The following GYS1 variants were observed in gnomAD, a reference collection of about 807,000 sequenced individuals.
GYS1 encodes the protein glycogen synthase 1, also known as glycogen [starch] synthase, muscle.
GYS1 carries 60 observed loss-of-function variants against 89.1 expected under a neutral mutation model. The observed-to-expected ratio is 0.67, with a 90% CI of 0.55 to 0.84. The LOEUF (loss-of-function observed/expected upper bound fraction) is 0.84. GYS1 is among the 40% of genes least tolerant of loss of function. The probability of loss-of-function intolerance (pLI) is 0.00; values close to 1 mark genes in which losing one functional copy is unlikely to be tolerated. For missense variants in GYS1, 888 were observed against 1,003.1 expected (o/e 0.89, Z 1.55); for synonymous variants, 366 against 401.7 (o/e 0.91, Z 1.06).
At chr19:48,987,620 G>A (rs1391341406) in intron 2 of GYS1, among the ~76,000 whole-genome samples, 2 of 151,522 alleles carry the variant, frequency 1.3e-5, no homozygotes, top group Non-Finnish European at 2.9e-5. Flanking sequence ...AATATTTTCC[G>A]TGCCCCCTGC....
rs936963279 is a variant in GYS1, at chr19:48,968,158, C to T, written c.*1130G>A. 8 of 448,578 alleles carry T rather than the reference C, an allele frequency of 1.8e-5. No individual in the cohort carries two copies. In the East Asian group the frequency reaches 4.2e-4, roughly 24 times the overall value. The allele number at this position is 448,578 out of a possible 1,614,324, so 27.8% of individuals were successfully genotyped here. A position where few individuals can be genotyped will look rare whatever the true frequency, so the allele number is the denominator to read the frequency against. On this transcript the variant is annotated 3_prime_UTR_variant, in exon 16 of 16. Transcript: ENST00000323798. ...TTAAATATAGATGTATTTTTTTCAT[C>T]TCATCTCCGGACACACTCCAATCAC...
At chr19:48,980,824 AC>A (rs2038748737) in intron 8 of GYS1, among the ~76,000 whole-genome samples, 1 of 152,134 alleles carries the variant, frequency 6.6e-6, no homozygotes, top group South Asian at 2.1e-4. Flanking sequence ...TACTAAAAAT[AC>A]AAAAAAAGGC....
At chr19:48,988,683 C>A (rs973753285) in intron 2 of GYS1, among the ~76,000 whole-genome samples, 1 of 152,118 alleles carries the variant, frequency 6.6e-6, no homozygotes, top group Non-Finnish European at 1.5e-5. Context: ...GGTGCAATTA[C>A]GGTTCACTGA....
chr19:48,969,652 G>A (rs1251080370), intron 15 of GYS1, 41 bp from the exon 16 acceptor site: 1 of 1,568,936 alleles, frequency 6.4e-7, no homozygotes, highest in Non-Finnish European at 8.6e-7. Context: ...GTGAGCTGAG[G>A]ACCTCACAGT....
chr19:48,982,044 C>T (rs2038772452), intron 7 of GYS1, among the ~76,000 whole-genome samples: 1 of 152,062 alleles, frequency 6.6e-6, no homozygotes, highest in Non-Finnish European at 1.5e-5. Flanking sequence ...ACGTGTGAGC[C>T]ACCATGCCTG....
intron 2 of GYS1, among the ~76,000 whole-genome samples, chr19:48,990,006 G>A (rs534456255): frequency 6.6e-6 from 1 of 150,404 alleles, no homozygotes; most frequent in Non-Finnish European, 1.5e-5. Flanking sequence ...GCTGGGGGGG[G>A]GGGGGGGCTA....
chr19:48,987,312 G>A lies in GYS1; in HGVS notation c.374C>T (p.Ala125Val), dbSNP rs1224291788. ...GAGCTCTCCCTTCCAGCGCTCCAGG[G>A]CCCAAGCTGAGGCACCCACGTCCAG... ...VLLDVGASAW[A>V]LERWKGELWD... The change falls in exon 3 of 16, where the codon GCC (alanine) becomes GTC (valine). Residue 125 changes from alanine to valine, a missense_variant. By Grantham distance (64) the Ala-to-Val change is moderately conservative. Coordinates refer to ENST00000323798, the MANE Select transcript of GYS1 (RefSeq NM_002103.5). 1.4e-5 allele frequency: 23 copies of A among 1,612,226 alleles called. No homozygotes were observed. The highest frequency in any genetic ancestry group is 2.0e-5 in the Non-Finnish European group (23 of 1,179,334).
intron 10 of GYS1, among the ~76,000 whole-genome samples, chr19:48,975,911 CAAAAA>C (rs760164673): frequency 9.7e-5 from 4 of 41,362 alleles, no homozygotes; most frequent in African/African-American, 3.5e-4. Context: ...GACTCCGTCT[CAAAAA>C]AAAAAAAAAA....
intron 2 of GYS1, among the ~76,000 whole-genome samples, chr19:48,990,679 G>C (rs992195089): frequency 2.0e-5 from 3 of 152,196 alleles, no homozygotes; most frequent in African/African-American, 7.2e-5. Context: ...GACGCTATTA[G>C]CATGTCCATT....
rs556352989 is a variant in GYS1, at chr19:48,974,635, A to T, written c.1407T>A (p.Ser469Arg). Reference sequence around the variant, plus strand: ...ATGCCCTCACCTTCACCCTGTCGGCACTGCTATTGAAGAGGCCGATTCGGC... The same window carrying T: ...ATGCCCTCACCTTCACCCTGTCGGCTCTGCTATTGAAGAGGCCGATTCGGC... Reference protein sequence around the residue: ...TIRRIGLFNSSADRVKVIFHP... With the variant: ...TIRRIGLFNSRADRVKVIFHP... The change falls in exon 11 of 16, where the codon AGT becomes AGA. Residue 469 changes from serine to arginine, a missense_variant. Ser to Arg is a moderately radical substitution (Grantham distance 110). Coordinates refer to ENST00000323798, the MANE Select transcript of GYS1 (RefSeq NM_002103.5). 28 of 1,612,622 alleles carry T rather than the reference A, an allele frequency of 1.7e-5. No individual in the cohort carries two copies. The South Asian group carries it at 3.0e-4, about 17-fold the overall frequency.
rs199931728 is a variant in GYS1 at position 48,991,519 on chromosome 19, G to A, written c.119-36C>T. The A allele has an allele frequency of 7.8e-5, 125 of 1,597,214 alleles. No homozygotes were observed. Among genetic ancestry groups the A allele is most frequent in the South Asian group, 1.2e-4 (11 of 90,894 alleles). ...AAGCGTGTGAGGGCAGGCCCCGGCC[G>A]AGGTCCATAGTTCTGGGGCCTGGGG... On this transcript the variant is annotated intron_variant, in intron 1 of 15. Coordinates refer to ENST00000323798, the MANE Select transcript of GYS1 (RefSeq NM_002103.5). This position sits in a 1 kb window ranked among gnomAD's most constrained non-coding sequence, Gnocchi z 4.7.
rs1476615809 is a variant in GYS1, at chr19:48,987,237, T to C, written c.449A>G (p.Asp150Gly). ...GGTCAGAAAGCCAAAGAGGACAGCG[T>C]CGTTGGCCTCGCGGTCGTACCACGG... ...GVPWYDREAN[D>G]AVLFGFLTTW... The change falls in exon 3 of 16, where the codon GAC (aspartate) becomes GGC (glycine). Residue 150 changes from aspartate (D) to glycine (G), a missense_variant. Asp to Gly is a moderately conservative substitution (Grantham distance 94). Transcript: ENST00000323798. 1 of 1,613,562 alleles carries C rather than the reference T, an allele frequency of 6.2e-7. No individual in the cohort carries two copies. The highest frequency in any genetic ancestry group is 8.5e-7 in the Non-Finnish European group (1 of 1,179,706).
At chr19:48,983,726 C>T (rs1204873457) in intron 5 of GYS1, among the ~76,000 whole-genome samples, 1 of 146,336 alleles carries the variant, frequency 6.8e-6, no homozygotes, top group Non-Finnish European at 1.5e-5. Context: ...GGAAGAATGC[C>T]CAGTTCTGAC....
rs571312940 is a variant in GYS1 at position 48,968,762 on chromosome 19, T to C, written c.*526A>G. The C allele has an allele frequency of 2.2e-6, 1 of 454,202 alleles. No homozygotes were observed. The highest frequency in any genetic ancestry group is 2.3e-5 in the Admixed American group (1 of 42,578). 28.1% of individuals were successfully genotyped at this position (454,202 alleles called of 1,614,324 possible). A position where few individuals can be genotyped will look rare whatever the true frequency, so the allele number is the denominator to read the frequency against. On this transcript the variant is annotated 3_prime_UTR_variant, in exon 16 of 16. Transcript: ENST00000323798. Reference sequence around the variant, plus strand: ...CCTCCCAGAGCCCCACTTCTGGAGTTGAAATGGAGGACCATCTGCTCTCAG... The same window carrying C: ...CCTCCCAGAGCCCCACTTCTGGAGTCGAAATGGAGGACCATCTGCTCTCAG...
intron 12 of GYS1, among the ~76,000 whole-genome samples, chr19:48,971,619 A>G (rs2038566873): frequency 6.6e-6 from 1 of 151,810 alleles, no homozygotes; most frequent in Non-Finnish European, 1.5e-5. Flanking sequence ...CAGTGGCACA[A>G]TCTCGGCTCA....
chr19:48,981,378 A>T, intron 8 of GYS1, 152 bp downstream of exon 8: 1 of 666,580 alleles, frequency 1.5e-6, no homozygotes, highest in Non-Finnish European at 2.7e-6. Flanking sequence ...GCACCACTAC[A>T]CTCCAGCCTG....
At chr19:48,971,887 G>C (rs1471694701) in intron 12 of GYS1, among the ~76,000 whole-genome samples, 1 of 146,550 alleles carries the variant, frequency 6.8e-6, no homozygotes, top group Non-Finnish European at 1.5e-5. Context: ...CTCGAGACAA[G>C]GTCTCACTTT....
intron 2 of GYS1, among the ~76,000 whole-genome samples, chr19:48,990,707 C>T (rs2038912789): frequency 6.6e-6 from 1 of 152,226 alleles, no homozygotes; most frequent in African/African-American, 2.4e-5. Flanking sequence ...GACACACAGG[C>T]AGCAAGTGGA....
intron 14 of GYS1, among the ~76,000 whole-genome samples, chr19:48,970,128 C>T (rs897896557): frequency 3.9e-5 from 6 of 152,014 alleles, no homozygotes; most frequent in African/African-American, 1.4e-4. Flanking sequence ...GACCAATGTT[C>T]TTTTTTTCTT....
Sources: allele counts gnomAD v4.1 joint callset (sites outside exome capture counted in the v4.1 genomes callset), GRCh38; gene constraint gnomAD v4.1.1; non-coding constraint Gnocchi (gnomAD v3.1); transcripts MANE v1.5; gene names NCBI Gene and HGNC (gene_info 2026-07-23, HGNC 2026-07-21).